Variants in ACYP2 observed in about 807,000 individuals in gnomAD.
ACYP2 encodes acylphosphatase 2.
ACYP2 carries 12 observed loss-of-function variants against 11.2 expected under a neutral mutation model. The observed-to-expected ratio is 1.08, with a 90% CI of 0.69 to 1.74. ACYP2 has a LOEUF of 1.74. ACYP2 is among the 40% of genes most tolerant of loss of function. ACYP2 has a pLI of 0.00. For missense variants in ACYP2, 134 were observed against 101.9 expected (o/e 1.31, Z -1.35); for synonymous variants, 43 against 32.2 (o/e 1.33, Z -1.13).
chr2:54,096,880 G>GT (rs1235560720), intron 4 of ACYP2, among the ~76,000 whole-genome samples: 7 of 152,024 alleles, frequency 4.6e-5, no homozygotes, highest in African/African-American at 1.7e-4. Flanking sequence ...GAGCTAATCT[G>GT]TTTTTTAAAA....
intron 6 of ACYP2, chr2:54,255,247 G>C (rs1687439359): frequency 1.2e-6 from 2 of 1,614,188 alleles, no homozygotes; most frequent in Non-Finnish European, 1.7e-6. Context: ...TCTGAAGTAA[G>C]GGTTTCTTTG....
intron 6 of ACYP2, among the ~76,000 whole-genome samples, chr2:54,223,675 G>T (rs1297844279): frequency 6.6e-6 from 1 of 152,110 alleles, no homozygotes; most frequent in Non-Finnish European, 1.5e-5. Context: ...ATTCCTGTCA[G>T]AATTATTTTC....
intron 6 of ACYP2, among the ~76,000 whole-genome samples, chr2:54,187,921 T>C (rs1684076513): frequency 6.6e-6 from 1 of 152,168 alleles, no homozygotes; most frequent in Non-Finnish European, 1.5e-5. Flanking sequence ...TGTGTGGGAA[T>C]GGGCTCTACG....
intron 4 of ACYP2, among the ~76,000 whole-genome samples, chr2:54,119,178 G>T (rs1679998782): frequency 7.0e-6 from 1 of 143,772 alleles, no homozygotes; most frequent in Admixed American, 7.4e-5. Flanking sequence ...GCCTCCTCTT[G>T]AGTAGTTGGG....
intron 6 of ACYP2, among the ~76,000 whole-genome samples, chr2:54,224,472 T>C (rs1289764799): frequency 2.6e-5 from 4 of 152,182 alleles, no homozygotes; most frequent in African/African-American, 9.7e-5. Flanking sequence ...TGCGTGCTGA[T>C]TGGTTTGTGT....
At chr2:54,226,120 G>A (rs1445589372) in intron 6 of ACYP2, among the ~76,000 whole-genome samples, 1 of 152,174 alleles carries the variant, frequency 6.6e-6, no homozygotes, top group African/African-American at 2.4e-5. Context: ...CACCTTTACT[G>A]CAGAAATCCC....
intron 6 of ACYP2, among the ~76,000 whole-genome samples, chr2:54,252,929 T>C (rs1687297218): frequency 6.7e-6 from 1 of 149,726 alleles, no homozygotes; most frequent in African/African-American, 2.5e-5. Flanking sequence ...ATGCCAATGG[T>C]ATAATTCCAA....
At chr2:54,146,220 G>A (rs897526314) in intron 6 of ACYP2, among the ~76,000 whole-genome samples, 7 of 152,130 alleles carry the variant, frequency 4.6e-5, no homozygotes, top group Non-Finnish European at 8.8e-5. Flanking sequence ...GATGTCATTC[G>A]AATACAAAGG....
At chr2:54,140,797 A>G (rs1373384544) in intron 6 of ACYP2, among the ~76,000 whole-genome samples, 2 of 152,194 alleles carry the variant, frequency 1.3e-5, no homozygotes, top group East Asian at 1.9e-4. Flanking sequence ...AATAAGAGCA[A>G]TGCTGCAATA....
intron 3 of ACYP2, among the ~76,000 whole-genome samples, chr2:54,055,829 C>T (rs1676112448): frequency 6.6e-6 from 1 of 152,168 alleles, no homozygotes; most frequent in African/African-American, 2.4e-5. Flanking sequence ...AAATATTTGA[C>T]ACATATTGAA....
intron 6 of ACYP2, among the ~76,000 whole-genome samples, chr2:54,154,880 G>T (rs1362129255): frequency 6.6e-6 from 1 of 152,174 alleles, no homozygotes; most frequent in Non-Finnish European, 1.5e-5. Flanking sequence ...GAATTCATCA[G>T]TAACACTTCC....
intron 6 of ACYP2, among the ~76,000 whole-genome samples, chr2:54,288,421 C>T (rs1372042539): frequency 1.3e-5 from 2 of 151,954 alleles, no homozygotes; most frequent in African/African-American, 4.9e-5. Flanking sequence ...TTCTTCAGTG[C>T]TTCCTGGGGA....
intron 4 of ACYP2, among the ~76,000 whole-genome samples, chr2:54,129,008 T>C (rs540584785): frequency 1.3e-5 from 2 of 152,316 alleles, no homozygotes; most frequent in South Asian, 2.1e-4. Context: ...TCCGGTCAAA[T>C]TGACACCTAA....
intron 2 of ACYP2, among the ~76,000 whole-genome samples, chr2:53,983,773 C>G (rs1011095456): frequency 6.6e-6 from 1 of 152,152 alleles, no homozygotes; most frequent in African/African-American, 2.4e-5. Context: ...GCTGGCTCAT[C>G]AAGTCTTGCA....
At chr2:54,074,356 T>G (rs1677214485) in intron 4 of ACYP2, among the ~76,000 whole-genome samples, 1 of 151,786 alleles carries the variant, frequency 6.6e-6, no homozygotes, top group South Asian at 2.1e-4. Flanking sequence ...AAAAAATAAA[T>G]AAATACCAAG....
At chr2:54,302,186 C>T (rs541963610) in intron 6 of ACYP2, among the ~76,000 whole-genome samples, 1 of 152,316 alleles carries the variant, frequency 6.6e-6, no homozygotes, top group South Asian at 2.1e-4. Context: ...GTCTTGGATT[C>T]CATGGTTTCA....
intron 2 of ACYP2, among the ~76,000 whole-genome samples, chr2:54,003,894 C>G (rs1374363551): frequency 1.3e-5 from 2 of 152,182 alleles, no homozygotes; most frequent in Non-Finnish European, 2.9e-5. Flanking sequence ...TCCTCGCTAG[C>G]ATTTATTGTT....
intron 2 of ACYP2, among the ~76,000 whole-genome samples, chr2:53,978,134 C>A (rs1474496421): frequency 2.0e-5 from 3 of 151,926 alleles, no homozygotes; most frequent in Admixed American, 1.3e-4. Context: ...TGGTGGCACA[C>A]ACCTGTAATC....
At chr2:53,980,349 T>A (rs1671687930) in intron 2 of ACYP2, among the ~76,000 whole-genome samples, 1 of 151,202 alleles carries the variant, frequency 6.6e-6, no homozygotes, top group Non-Finnish European at 1.5e-5. Flanking sequence ...TGAGACCCTG[T>A]CTCAAAAAAA....
Sources: gnomAD v4.1 joint callset for allele counts (sites outside exome capture counted in the v4.1 genomes callset) on GRCh38, gnomAD v4.1.1 for gene constraint, MANE v1.5 for transcripts, NCBI Gene and HGNC (gene_info 2026-07-23, HGNC 2026-07-21) for gene names.